Variants in CUX1 observed in about 807,000 individuals in gnomAD.
CUX1 encodes protein CASP.
CUX1 carries 31 observed loss-of-function variants against 158.8 expected under a neutral mutation model. The ratio of observed to expected loss-of-function variants is 0.20; its 90% CI spans 0.15 to 0.26. The LOEUF is 0.26. Ranked by LOEUF, CUX1 falls within the 10% of genes least tolerant of loss-of-function variation. The pLI, the probability that CUX1 is intolerant of heterozygous loss-of-function variation, is 1.00. For synonymous variants in CUX1, 879 were observed against 862.1 expected, an observed-to-expected ratio of 1.02 and a Z score of -0.34; for missense variants, 1,589 against 2,014.6, an observed-to-expected ratio of 0.79 and a Z score of 4.04.
intron 4 of CUX1, among the ~76,000 whole-genome samples, chr7:102,071,143 G>A (rs984315488): frequency 6.6e-6 from 1 of 151,964 alleles, no homozygotes; most frequent in Admixed American, 6.6e-5. Flanking sequence ...TACAATGAGT[G>A]CGATGAGGTC....
At chr7:102,203,166 C>G (rs552101078) in intron 18 of CUX1, among the ~76,000 whole-genome samples, 90 of 152,254 alleles carry the variant, frequency 5.9e-4, no homozygotes, top group African/African-American at 2.1e-3. Flanking sequence ...AGGGTTTCAC[C>G]ATGTTGGCCA....
At chr7:102,221,415 C>A (rs1554526868) in intron 20 of CUX1, among the ~76,000 whole-genome samples, 1 of 152,114 alleles carries the variant, frequency 6.6e-6, no homozygotes, top group Non-Finnish European at 1.5e-5. Flanking sequence ...ACGACTTTAT[C>A]CTGACTGCTC....
At chr7:101,944,472 T>C (rs1808131651) in intron 2 of CUX1, among the ~76,000 whole-genome samples, 1 of 152,234 alleles carries the variant, frequency 6.6e-6, no homozygotes, top group Admixed American at 6.5e-5. Context: ...GGGAGACGCA[T>C]GCTCCTCCGT....
At chr7:102,233,603 A>G (rs1799221335) in intron 21 of CUX1, among the ~76,000 whole-genome samples, 2 of 152,262 alleles carry the variant, frequency 1.3e-5, no homozygotes, top group South Asian at 4.1e-4. Flanking sequence ...CCTGGCCAAC[A>G]TGGCGAAAAC....
At chr7:102,155,222 C>G (rs1453548642) in intron 8 of CUX1, among the ~76,000 whole-genome samples, 1 of 151,966 alleles carries the variant, frequency 6.6e-6, no homozygotes, top group Non-Finnish European at 1.5e-5. Flanking sequence ...CGATAGGTAA[C>G]TAACTGAAGT....
At position 102,257,018 on chromosome 7, in the gene CUX1, G is replaced by A; in HGVS notation, c.*7976G>A. 1 of 985,408 alleles carries A rather than the reference G, an allele frequency of 1.0e-6. No individual in the cohort carries two copies. Among genetic ancestry groups the A allele is most frequent in the Non-Finnish European group, 1.2e-6 (1 of 829,944 alleles). 61.0% of individuals were successfully genotyped at this position (985,408 alleles called of 1,614,324 possible). A position where few individuals can be genotyped will look rare whatever the true frequency, so the allele number is the denominator to read the frequency against. ...TATAGGTGGTTCAACGTGGAGGAAG[G>A]TTGGGTGTGGAGATTGCTTGCTGTG... is the stretch of plus-strand genomic sequence containing the variant. On this transcript the variant is annotated 3_prime_UTR_variant, in exon 24 of 24. Transcript: ENST00000292535.
intron 2 of CUX1, among the ~76,000 whole-genome samples, chr7:101,956,075 G>T (rs575278770): frequency 1.3e-5 from 2 of 150,786 alleles, no homozygotes; most frequent in African/African-American, 4.9e-5. Flanking sequence ...CCAGCTACTC[G>T]GGAGGCTGAG....
At chr7:102,192,493 T>A (rs1397560364) in intron 12 of CUX1, among the ~76,000 whole-genome samples, 1 of 152,160 alleles carries the variant, frequency 6.6e-6, no homozygotes, top group African/African-American at 2.4e-5. Flanking sequence ...TACATAATCC[T>A]AAAGAAAATA....
Position 102,253,213 on chromosome 7 carries a change from C to T in CUX1, c.*4171C>T, listed in dbSNP as rs1414813720. 1 of 985,372 alleles carries T rather than the reference C, an allele frequency of 1.0e-6. No individual in the cohort carries two copies. The highest frequency in any genetic ancestry group is 1.7e-5 in the African/African-American group (1 of 57,256). The allele number at this position is 985,372 out of a possible 1,614,324, so 61.0% of individuals were successfully genotyped here. A position where few individuals can be genotyped will look rare whatever the true frequency, so the allele number is the denominator to read the frequency against. On this transcript the variant is annotated 3_prime_UTR_variant, in exon 24 of 24. Transcript: ENST00000292535. ...TTGGCGGTCCGGGCCCAGAGTGCAG[C>T]AGAGCTCTGGGTTAAATATTCCTTT...
intron 3 of CUX1, among the ~76,000 whole-genome samples, chr7:102,064,530 T>C (rs1264492045): frequency 2.0e-5 from 3 of 151,864 alleles, no homozygotes; most frequent in African/African-American, 7.3e-5. Flanking sequence ...AAGCCTTGGC[T>C]TGTACCTCCA....
At chr7:101,962,059 G>A (rs939574064) in intron 2 of CUX1, among the ~76,000 whole-genome samples, 4 of 152,032 alleles carry the variant, frequency 2.6e-5, no homozygotes, top group Admixed American at 6.6e-5. Context: ...ACTTGGAGTC[G>A]TATTTCTTTA....
At chr7:102,262,870 G>T (rs1226365798), downstream of CUX1, among the ~76,000 whole-genome samples, 4 of 152,138 alleles carry the variant, frequency 2.6e-5, no homozygotes, top group Non-Finnish European at 5.9e-5. Flanking sequence ...TACACGCTGG[G>T]GTTATTACAG....
intron 2 of CUX1, among the ~76,000 whole-genome samples, chr7:101,922,533 C>T (rs1006767173): frequency 8.5e-5 from 13 of 152,224 alleles, no homozygotes; most frequent in Non-Finnish European, 5.9e-5. Flanking sequence ...CTCATCCATG[C>T]AGCCTTAGTT....
intron 16 of CUX1, chr7:102,274,399 A>G: frequency 1.7e-6 from 2 of 1,174,512 alleles, no homozygotes; most frequent in Non-Finnish European, 2.5e-6. Context: ...CCCAAAGAGT[A>G]GTCCCTTCCT....
At position 101,953,923 on chromosome 7, in the gene CUX1, G is replaced by A. The variant is rs116383992; in HGVS notation, c.141+37698G>A. On this transcript the variant is annotated intron_variant, in intron 2 of 23. Transcript: ENST00000292535. ...AATTCTCTTTATGGGCAGCATGTCT[G>A]TATGTCTTAGGCTCTTGGTTCTGGA... Among the ~76,000 whole-genome samples the A allele has an allele frequency of 6.8e-3, 1,042 of 152,176 alleles. 11 individuals are homozygous for A. Among genetic ancestry groups the A allele is most frequent in the African/African-American group, 0.024 (987 of 41,518 alleles).
At chr7:102,112,954 T>C (rs902291335) in intron 7 of CUX1, among the ~76,000 whole-genome samples, 1 of 152,154 alleles carries the variant, frequency 6.6e-6, no homozygotes, top group Non-Finnish European at 1.5e-5. Context: ...ACATCAGAAG[T>C]CATAATTCAA....
At chr7:101,898,208 A>T (rs1347873630) in intron 1 of CUX1, among the ~76,000 whole-genome samples, 1 of 152,180 alleles carries the variant, frequency 6.6e-6, no homozygotes, top group African/African-American at 2.4e-5. Flanking sequence ...ACTGGATCTA[A>T]GTCTCAAGTA....
At chr7:102,108,226 C>G (rs1830565932) in intron 6 of CUX1, among the ~76,000 whole-genome samples, 1 of 152,142 alleles carries the variant, frequency 6.6e-6, no homozygotes. Context: ...AATATGAAGT[C>G]AAAACATGCA....
chr7:101,817,250 C>T (rs890963441), upstream of CUX1: 3 of 984,648 alleles, frequency 3.0e-6, no homozygotes, highest in African/African-American at 3.5e-5. This position sits in a 1 kb window ranked among gnomAD's most constrained non-coding sequence, Gnocchi z 4.1. Context: ...CGCCGCGCGC[C>T]TGGGGGCTCC....
Sources: allele counts gnomAD v4.1 joint callset (sites outside exome capture counted in the v4.1 genomes callset), GRCh38; gene constraint gnomAD v4.1.1; non-coding constraint Gnocchi (gnomAD v3.1); transcripts MANE v1.5; gene names NCBI Gene and HGNC (gene_info 2026-07-23, HGNC 2026-07-21).